Variants in SNAP23 observed in about 807,000 individuals in gnomAD.
SNAP23 encodes the protein synaptosomal-associated protein 23.
A neutral mutation model predicts 29.0 loss-of-function variants in SNAP23; 11 were observed. The observed-to-expected ratio is 0.38, with a 90% CI of 0.24 to 0.63. SNAP23 has a LOEUF of 0.63. SNAP23 is among the 20% of genes least tolerant of loss of function. The probability of loss-of-function intolerance (pLI) is 0.58; values close to 1 mark genes in which losing one functional copy is unlikely to be tolerated. For missense variants in SNAP23, 220 were observed against 253.9 expected (o/e 0.87, Z 0.91); for synonymous variants, 60 against 82.9 (o/e 0.72, Z 1.50).
At chr15:42,522,590 C>T (rs1344597192) in intron 5 of SNAP23, among the ~76,000 whole-genome samples, 1 of 151,600 alleles carries the variant, frequency 6.6e-6, no homozygotes, top group Non-Finnish European at 1.5e-5. Context: ...CTCACATTCA[C>T]TCTTTATTAT....
chr15:42,531,286 A>G (rs2057561887), intron 7 of SNAP23, 127 bp from the exon 8 acceptor site: 1 of 533,742 alleles, frequency 1.9e-6, no homozygotes, highest in African/African-American at 1.9e-5. Flanking sequence ...GCCCAACATG[A>G]GTTTTGTAAT....
upstream of SNAP23, among the ~76,000 whole-genome samples, chr15:42,494,961 C>T (rs1429271489): frequency 6.6e-6 from 1 of 152,182 alleles, no homozygotes; most frequent in Non-Finnish European, 1.5e-5. Flanking sequence ...ACAAAGTGGT[C>T]TAAAATTCCA....
chr15:42,527,488 C>T (rs1158784386), intron 5 of SNAP23, among the ~76,000 whole-genome samples: 1 of 152,054 alleles, frequency 6.6e-6, no homozygotes, highest in Non-Finnish European at 1.5e-5. Context: ...TGGGCTCAAG[C>T]AGTCCTCCCA....
At chr15:42,498,852 G>C (rs16973320) in intron 1 of SNAP23, among the ~76,000 whole-genome samples, 16,387 of 152,104 alleles carry the variant, frequency 0.11, 1,052 homozygotes, top group South Asian at 0.17. Context: ...ATATCACTTA[G>C]CCTGCAGCTT....
At chr15:42,526,541 C>T (rs559016629) in intron 5 of SNAP23, among the ~76,000 whole-genome samples, 2 of 152,106 alleles carry the variant, frequency 1.3e-5, no homozygotes, top group East Asian at 1.9e-4. Context: ...GAAAATGAAT[C>T]CTCACATGCC....
intron 5 of SNAP23, among the ~76,000 whole-genome samples, chr15:42,523,177 G>GAA (rs79670795): frequency 7.4e-6 from 1 of 135,388 alleles, no homozygotes. Flanking sequence ...GTTTAAGTGG[G>GAA]AAAAAAAAAA....
chr15:42,517,424 T>A (rs1045972451), intron 5 of SNAP23, among the ~76,000 whole-genome samples: 1 of 152,130 alleles, frequency 6.6e-6, no homozygotes, highest in Non-Finnish European at 1.5e-5. Context: ...AGATCAGATG[T>A]TAGGAGAACA....
At chr15:42,503,274 T>C (rs1170816538) in intron 1 of SNAP23, among the ~76,000 whole-genome samples, 1 of 152,148 alleles carries the variant, frequency 6.6e-6, no homozygotes, top group Non-Finnish European at 1.5e-5. Context: ...CGATCTCGGC[T>C]AACTGCAACC....
intron 2 of SNAP23, 120 bp from the exon 3 acceptor site, chr15:42,512,835 C>T: frequency 1.4e-6 from 1 of 692,394 alleles, no homozygotes; most frequent in East Asian, 2.7e-5. Context: ...TAGGCATGAG[C>T]CACTGTGCCC....
At chr15:42,524,977 A>G (rs2057485069) in intron 5 of SNAP23, among the ~76,000 whole-genome samples, 1 of 152,118 alleles carries the variant, frequency 6.6e-6, no homozygotes, top group South Asian at 2.1e-4. Context: ...CCCCTTCATA[A>G]ACACGCAGAA....
At chr15:42,516,981 G>A (rs1276256427) in intron 5 of SNAP23, among the ~76,000 whole-genome samples, 4 of 152,152 alleles carry the variant, frequency 2.6e-5, no homozygotes, top group African/African-American at 9.7e-5. Flanking sequence ...GTGCAGTGGT[G>A]TGATCTCGGC....
At chr15:42,528,476 G>T (rs1299756701) in intron 6 of SNAP23, 56 bp downstream of exon 6, 1 of 1,563,252 alleles carries the variant, frequency 6.4e-7, no homozygotes, top group African/African-American at 1.4e-5. Flanking sequence ...GTTCACTTAG[G>T]AGATGAGTTT....
intron 1 of SNAP23, among the ~76,000 whole-genome samples, chr15:42,498,825 A>G (rs1406766760): frequency 6.6e-6 from 1 of 152,170 alleles, no homozygotes; most frequent in Non-Finnish European, 1.5e-5. Flanking sequence ...GGTCATGTGA[A>G]AGTAATTTAA....
At chr15:42,529,161 T>C (rs1002672790) in intron 6 of SNAP23, among the ~76,000 whole-genome samples, 1 of 152,182 alleles carries the variant, frequency 6.6e-6, no homozygotes, top group East Asian at 1.9e-4. Context: ...ATAAACAATA[T>C]GTAAACAAAT....
chr15:42,529,330 G>C (rs1032703743), intron 6 of SNAP23, among the ~76,000 whole-genome samples: 1 of 152,136 alleles, frequency 6.6e-6, no homozygotes, highest in African/African-American at 2.4e-5. Context: ...TTAAACCGTA[G>C]GTTTCTGGGA....
At chr15:42,516,484 C>T (rs1446951867) in intron 5 of SNAP23, among the ~76,000 whole-genome samples, 1 of 152,116 alleles carries the variant, frequency 6.6e-6, no homozygotes, top group Non-Finnish European at 1.5e-5. Flanking sequence ...GCGCATGCCA[C>T]CACACCCAGC....
In SNAP23 at chr15:42,521,986, C is replaced by T. The variant is rs546137102; in HGVS notation, c.267-6276C>T. On this transcript the variant is annotated intron_variant, in intron 5 of 7. Coordinates refer to ENST00000249647, the MANE Select transcript of SNAP23 (RefSeq NM_003825.4). ...ATTTAAAATAGGTTGATCTTTGAGA[C>T]AGCTGCTGCAGTCTAGTTCTGATAA... 6 of 216,480 alleles carry T rather than the reference C, an allele frequency of 2.8e-5. No individual in the cohort carries two copies. In the East Asian group the frequency reaches 5.8e-4, roughly 21 times the overall value. The allele number at this position is 216,480 out of a possible 1,614,324, so 13.4% of individuals were successfully genotyped here. A position where few individuals can be genotyped will look rare whatever the true frequency, so the allele number is the denominator to read the frequency against.
rs111860816 is a variant in SNAP23 at position 42,496,578 on chromosome 15, G to A, written c.-15+865G>A. 6.7e-3 allele frequency among the ~76,000 whole-genome samples: 1,023 copies of A among 152,146 alleles called. 12 individuals carry two copies. Among genetic ancestry groups the A allele is most frequent in the African/African-American group, 0.024 (989 of 41,506 alleles). ...CTAAAAATACAAAAATTAGCCAGGC[G>A]TGGTGGTATATGCTTGTAATCCCAG... is the stretch of plus-strand genomic sequence containing the variant. On this transcript the variant is annotated intron_variant, in intron 1 of 7. Transcript: ENST00000249647.
chr15:42,516,476 G>A (rs1017414685), intron 5 of SNAP23, among the ~76,000 whole-genome samples: 1 of 151,810 alleles, frequency 6.6e-6, no homozygotes, highest in African/African-American at 2.4e-5. Flanking sequence ...GACTACAGGC[G>A]CATGCCACCA....
Sources: allele counts gnomAD v4.1 joint callset (sites outside exome capture counted in the v4.1 genomes callset), GRCh38; gene constraint gnomAD v4.1.1; transcripts MANE v1.5; gene names NCBI Gene and HGNC (gene_info 2026-07-23, HGNC 2026-07-21).